The following OPRM1 variants were observed in gnomAD, a reference collection of about 807,000 sequenced individuals.
OPRM1 encodes the protein mu-type opioid receptor.
OPRM1 carries 27 observed loss-of-function variants against 31.8 expected under a neutral mutation model. The ratio of observed to expected loss-of-function variants is 0.85; its 90% confidence interval spans 0.63 to 1.17. The LOEUF is 1.17. Among genes scored for constraint, OPRM1 ranks in the 50% most tolerant of loss-of-function variants. The probability of loss-of-function intolerance (pLI) is 0.00; values close to 1 mark genes in which losing one functional copy is unlikely to be tolerated. For missense variants in OPRM1, 536 were observed against 511.1 expected, an observed-to-expected ratio of 1.05 and a Z score of -0.47; for synonymous variants, 196 against 189.9, an observed-to-expected ratio of 1.03 and a Z score of -0.26.
At chr6:154,143,094 A>T (rs1798263864) in intron 3 of OPRM1, among the ~76,000 whole-genome samples, 1 of 152,226 alleles carries the variant, frequency 6.6e-6, no homozygotes. Context: ...TATATATAAA[A>T]AAAGGTCACT....
intron 3 of OPRM1, among the ~76,000 whole-genome samples, chr6:154,140,622 G>A (rs1462903066): frequency 1.3e-5 from 2 of 152,066 alleles, no homozygotes; most frequent in Non-Finnish European, 2.9e-5. Context: ...GAGCAGCCCC[G>A]CCTGGCCTTA....
At chr6:154,175,621 G>A (rs1311787794) in intron 3 of OPRM1, among the ~76,000 whole-genome samples, 1 of 152,022 alleles carries the variant, frequency 6.6e-6, no homozygotes, top group Non-Finnish European at 1.5e-5. Context: ...AACTAAACCA[G>A]GAAGAAGTTG....
At chr6:154,176,969 C>T (rs756663106) in intron 3 of OPRM1, among the ~76,000 whole-genome samples, 1 of 152,088 alleles carries the variant, frequency 6.6e-6, no homozygotes, top group Non-Finnish European at 1.5e-5. Context: ...AGAACAGAAG[C>T]CTCAGAAATA....
chr6:154,117,916 C>T (rs982732745), intron 3 of OPRM1, among the ~76,000 whole-genome samples: 1 of 145,472 alleles, frequency 6.9e-6, no homozygotes, highest in Non-Finnish European at 1.5e-5. Context: ...AGAGAAAAAG[C>T]AGATGGCAAA....
At chr6:154,076,417 T>C (rs921745604) in intron 1 of OPRM1, among the ~76,000 whole-genome samples, 5 of 152,214 alleles carry the variant, frequency 3.3e-5, no homozygotes, top group African/African-American at 4.8e-5. Flanking sequence ...AATAAATTCA[T>C]AGACGAGGCA....
At chr6:154,197,780 G>A (rs1053262728) in intron 3 of OPRM1, among the ~76,000 whole-genome samples, 3 of 152,136 alleles carry the variant, frequency 2.0e-5, no homozygotes, top group African/African-American at 7.2e-5. Flanking sequence ...AATGCAAATG[G>A]GATTTTATTC....
rs1335755567 is a variant in OPRM1, at chr6:154,122,317, A to T, written c.*3596A>T. On this transcript the variant is annotated 3_prime_UTR_variant, in exon 4 of 4. Coordinates refer to ENST00000330432, the MANE Select transcript of OPRM1 (RefSeq NM_000914.5). Reference sequence around the variant, plus strand: ...TAGAAACATCAAGATTCTTGCCTGGATTCTCAACATAAGTCTTTACTCACA... The same window carrying T: ...TAGAAACATCAAGATTCTTGCCTGGTTTCTCAACATAAGTCTTTACTCACA... 6.6e-6 allele frequency among the ~76,000 whole-genome samples: 1 copy of T among 152,194 alleles called. No individual in the cohort carries two copies. The highest frequency in any genetic ancestry group is 1.5e-5 in the Non-Finnish European group (1 of 68,028).
In OPRM1 at chr6:154,089,676, G is replaced by C. The variant is rs186476960; in HGVS notation, c.291-150G>C. The stretch of plus-strand genomic sequence containing the variant: ...CAATAGGTACATCATTGACATCATT[G>C]TAAATAGCCAAGCTGATACTGGAAA... On this transcript the variant is annotated intron_variant, in intron 1 of 3. Coordinates refer to ENST00000330432, the MANE Select transcript of OPRM1 (RefSeq NM_000914.5). 199 of 598,152 alleles carry C rather than the reference G, an allele frequency of 3.3e-4. 1 individual carries two copies. The African/African-American group carries it at 3.4e-3, about 10-fold the overall frequency. The allele number at this position is 598,152 out of a possible 1,614,324, so 37.1% of individuals were successfully genotyped here. A position where few individuals can be genotyped will look rare whatever the true frequency, so the allele number is the denominator to read the frequency against.
intron 3 of OPRM1, among the ~76,000 whole-genome samples, chr6:154,139,214 T>C (rs1217061819): frequency 1.3e-5 from 2 of 152,222 alleles, no homozygotes; most frequent in Non-Finnish European, 2.9e-5. Flanking sequence ...GGGCAGCAGG[T>C]AAGGTGACCC....
chr6:154,066,195 T>A (rs1455827702), intron 1 of OPRM1, among the ~76,000 whole-genome samples: 1 of 152,180 alleles, frequency 6.6e-6, no homozygotes, highest in East Asian at 1.9e-4. Context: ...GATTTTTGCT[T>A]CAATTTTTAT....
At chr6:154,086,696 GA>G in intron 1 of OPRM1, 1 of 985,270 alleles carries the variant, frequency 1.0e-6, no homozygotes, top group Non-Finnish European at 1.2e-6. Context: ...TGATGAGTCA[GA>G]AAACTGACTG....
chr6:154,041,311 G>T (rs1015157203), intron 1 of OPRM1, among the ~76,000 whole-genome samples: 16 of 152,130 alleles, frequency 1.1e-4, no homozygotes, highest in African/African-American at 3.6e-4. Flanking sequence ...AATGCAAGAA[G>T]ATCGATGGAA....
At chr6:154,046,675 T>C (rs886615897) in intron 1 of OPRM1, 1 of 152,166 alleles carries the variant, frequency 6.6e-6, no homozygotes, top group Non-Finnish European at 1.5e-5. Context: ...CTTTTTTTCT[T>C]TCCCCATCAA....
At chr6:154,030,322 C>T (rs1471105527) in intron 1 of OPRM1, among the ~76,000 whole-genome samples, 1 of 152,098 alleles carries the variant, frequency 6.6e-6, no homozygotes, top group Non-Finnish European at 1.5e-5. Flanking sequence ...ATTGTGGGGA[C>T]ACTGGGGATT....
chr6:154,244,457 A>T (rs1017218053), intron 3 of OPRM1, among the ~76,000 whole-genome samples: 1 of 152,154 alleles, frequency 6.6e-6, no homozygotes, highest in Non-Finnish European at 1.5e-5. Context: ...TCTCCATTCA[A>T]TGCTGCTAAT....
In OPRM1 at chr6:154,130,769, T is replaced by A. The variant is rs1797852295; in HGVS notation, c.*12048T>A. Among the ~76,000 whole-genome samples the A allele has an allele frequency of 6.6e-6, 1 of 151,920 alleles. No individual in the cohort carries two copies. Among genetic ancestry groups the A allele is most frequent in the Non-Finnish European group, 1.5e-5 (1 of 67,954 alleles). On this transcript the variant is annotated 3_prime_UTR_variant, in exon 4 of 4. Coordinates refer to ENST00000330432, the MANE Select transcript of OPRM1 (RefSeq NM_000914.5). ...TAAAGGGAATATATATATACCAATA[T>A]AAATGGGAATTTATATTGGCACATA...
intron 3 of OPRM1, among the ~76,000 whole-genome samples, chr6:154,109,639 T>C (rs745747008): frequency 2.6e-5 from 4 of 152,214 alleles, no homozygotes; most frequent in Non-Finnish European, 2.9e-5. Flanking sequence ...AGTGAAATGC[T>C]AATGGTGGTC....
chr6:154,142,651 T>C (rs1297725663), intron 3 of OPRM1, among the ~76,000 whole-genome samples: 2 of 152,158 alleles, frequency 1.3e-5, no homozygotes, highest in Admixed American at 6.5e-5. Context: ...CTCTTCCAAG[T>C]GTACTTTCCT....
At chr6:154,216,534 T>C (rs1394129359) in intron 3 of OPRM1, among the ~76,000 whole-genome samples, 2 of 152,160 alleles carry the variant, frequency 1.3e-5, no homozygotes, top group Non-Finnish European at 2.9e-5. Flanking sequence ...TGTGCATGAA[T>C]TGGTATGCAT....
Sources: gnomAD v4.1 joint callset for allele counts (sites outside exome capture counted in the v4.1 genomes callset) on GRCh38, gnomAD v4.1.1 for gene constraint, MANE v1.5 for transcripts, NCBI Gene and HGNC (gene_info 2026-07-23, HGNC 2026-07-21) for gene names.